Variants in LBP observed in about 807,000 individuals in gnomAD.
LBP encodes the protein lipopolysaccharide binding protein.
Under a neutral mutation model 56.6 loss-of-function variants are expected in LBP, and 53 were observed. The observed-to-expected ratio is 0.94, with a 90% CI of 0.75 to 1.18. LBP has a LOEUF of 1.18. Among genes scored for constraint, LBP ranks in the 50% most tolerant of loss-of-function variants. The pLI, the probability that LBP is intolerant of heterozygous loss-of-function variation, is 0.00. For missense variants in LBP, 601 were observed against 598.3 expected (o/e 1.00, Z -0.05); for synonymous variants, 227 against 247.5 (o/e 0.92, Z 0.78).
intron 12 of LBP, among the ~76,000 whole-genome samples, chr20:38,372,447 A>T (rs2076903874): frequency 6.6e-6 from 1 of 152,214 alleles, no homozygotes; most frequent in African/African-American, 2.4e-5. Context: ...AAAACATTCA[A>T]GTGAGAAGTT....
chr20:38,359,843 C>T (rs987141316), intron 5 of LBP, among the ~76,000 whole-genome samples: 1 of 152,196 alleles, frequency 6.6e-6, no homozygotes, highest in Non-Finnish European at 1.5e-5. Flanking sequence ...GGCCGCACAA[C>T]TGGTGGCAAT....
intron 14 of LBP, among the ~76,000 whole-genome samples, chr20:38,375,437 T>C (rs1386272217): frequency 6.6e-6 from 1 of 151,800 alleles, no homozygotes; most frequent in Non-Finnish European, 1.5e-5. Context: ...AAAAATTAGC[T>C]GGGCATGGTG....
intron 9 of LBP, among the ~76,000 whole-genome samples, chr20:38,368,117 T>C (rs188701226): frequency 1.2e-3 from 190 of 152,292 alleles, no homozygotes; most frequent in African/African-American, 4.3e-3. Flanking sequence ...GAAAATTAAA[T>C]ATTTTTTTTA....
At chr20:38,368,723 C>T (rs1487489845) in intron 9 of LBP, among the ~76,000 whole-genome samples, 1 of 152,170 alleles carries the variant, frequency 6.6e-6, no homozygotes, top group African/African-American at 2.4e-5. Context: ...AATGGCAAAA[C>T]CCTGGAGACA....
chr20:38,371,572 T>A (rs2076900992), intron 12 of LBP, among the ~76,000 whole-genome samples: 2 of 152,156 alleles, frequency 1.3e-5, no homozygotes, highest in Non-Finnish European at 2.9e-5. Context: ...AGAAAGCCAA[T>A]TGAAATCATC....
chr20:38,349,477 C>A, intron 1 of LBP, 71 bp from the exon 2 acceptor site: 2 of 1,159,740 alleles, frequency 1.7e-6, no homozygotes, highest in Non-Finnish European at 2.5e-6. Flanking sequence ...CAGGTGGGAG[C>A]CACCGTAGGG....
intron 12 of LBP, 122 bp from the exon 13 acceptor site, chr20:38,372,950 A>G: frequency 1.2e-6 from 1 of 800,976 alleles, no homozygotes; most frequent in South Asian, 1.6e-5. Context: ...GTTTTATCTT[A>G]TAAAATAGTA....
chr20:38,350,929 AAGT>A lies in LBP; in HGVS notation c.359_361del (p.Lys120_Ser121delinsThr). The A allele has an allele frequency of 6.2e-7, 1 of 1,613,722 alleles. No homozygotes were observed. The highest frequency in any genetic ancestry group is 8.5e-7 in the Non-Finnish European group (1 of 1,179,736). On this transcript the variant is annotated inframe_deletion, in exon 3 of 15. Coordinates refer to ENST00000217407, the MANE Select transcript of LBP (RefSeq NM_004139.5). ...GGTCCAGGGCAGGTGGAAGGTGCGC[AAGT>A]CATTCTTGTAAGTTGGCTCTGCTCC...
chr20:38,353,550 G>A lies in LBP; in HGVS notation c.369-734G>A, dbSNP rs567704145. ...TTCAGTGAGCTGCCCCACACCACGC[G>A]TATATCTTGGCAGGAAGAGCTACGG... On this transcript the variant is annotated intron_variant, in intron 3 of 14. Transcript: ENST00000217407. 1.2e-4 allele frequency among the ~76,000 whole-genome samples: 14 copies of A among 121,644 alleles called. No homozygotes were observed. In the East Asian group the frequency reaches 2.7e-3, roughly 23 times the overall value. 79.8% of individuals were successfully genotyped at this position (121,644 alleles called of 152,430 possible).
chr20:38,360,680 T>G lies in LBP; in HGVS notation c.589-24T>G, dbSNP rs2232594. 7,206 of 1,580,680 alleles carry G rather than the reference T, an allele frequency of 4.6e-3. 271 individuals are homozygous for G. The African/African-American group carries it at 0.081, about 18-fold the overall frequency. On this transcript the variant is annotated intron_variant, in intron 5 of 14. Coordinates refer to ENST00000217407, the MANE Select transcript of LBP (RefSeq NM_004139.5). ...GACCAGAGCTGGGGAACTCACTCAG[T>G]CATTCTCTTCCCATGTTTTTCAGAT...
chr20:38,373,801 C>A, intron 13 of LBP, 136 bp from the exon 14 acceptor site: 1 of 737,904 alleles, frequency 1.4e-6, no homozygotes, highest in Non-Finnish European at 2.3e-6. Context: ...AATAATCACA[C>A]CTACCTCATA....
intron 8 of LBP, among the ~76,000 whole-genome samples, chr20:38,365,448 G>A (rs930335771): frequency 5.9e-5 from 9 of 151,534 alleles, no homozygotes; most frequent in East Asian, 3.9e-4. Flanking sequence ...TGTAATCCTC[G>A]CACTTTGGGA....
intron 6 of LBP, 54 bp from the exon 7 acceptor site, chr20:38,363,921 C>G: frequency 3.1e-6 from 4 of 1,309,564 alleles, no homozygotes; most frequent in Non-Finnish European, 4.4e-6. Context: ...TGCCCCTCCT[C>G]CAGCAGCTGA....
chr20:38,367,205 GCATT>G (rs2076885375), intron 9 of LBP, among the ~76,000 whole-genome samples: 1 of 152,180 alleles, frequency 6.6e-6, no homozygotes. Flanking sequence ...TGTAATCCCA[GCATT>G]GTGGGTGGCC....
At position 38,369,142 on chromosome 20, in the gene LBP, C is replaced by T; in HGVS notation, c.1129C>T (p.Pro377Ser). 2 of 1,614,060 alleles carry T rather than the reference C, an allele frequency of 1.2e-6. No individual in the cohort carries two copies. The highest frequency in any genetic ancestry group is 8.5e-7 in the Non-Finnish European group (1 of 1,180,000). Residue 377 changes from proline to serine, a missense_variant, in exon 10 of 15, where the codon CCT becomes TCT. By Grantham distance (74) the Pro-to-Ser change is moderately conservative (BLOSUM62 -1). Coordinates refer to ENST00000217407, the MANE Select transcript of LBP (RefSeq NM_004139.5). ...FVLLPSSSKE[P>S]VFRLSVATNV... ...GCTCCTGCCCAGCTCCAGCAAGGAG[C>T]CTGTCTTCCGGCTCAGTGTGGTAAG...
chr20:38,359,254 A>C (rs891842469), intron 5 of LBP, among the ~76,000 whole-genome samples: 1 of 151,086 alleles, frequency 6.6e-6, no homozygotes, highest in Non-Finnish European at 1.5e-5. Context: ...TCACCTTTCC[A>C]GAGTATTTAT....
Position 38,350,878 on chromosome 20 carries a change from C to T in LBP, c.307C>T (p.Leu103Phe). Residue 103 changes from leucine (L) to phenylalanine (F), a missense_variant, in exon 3 of 15, where the codon CTC becomes TTC. Transcript: ENST00000217407. The part of the protein sequence containing the change: ...LRPVPGQGLS[L>F]SISDSSIRVQ... ...GCCTGTCCCTGGCCAGGGCCTGAGT[C>T]TCAGCATCTCCGACTCCTCCATCCG... The T allele has an allele frequency of 6.2e-7, 1 of 1,614,094 alleles. No homozygotes were observed. The highest frequency in any genetic ancestry group is 8.5e-7 in the Non-Finnish European group (1 of 1,179,948).
chr20:38,364,634 G>A lies in LBP; in HGVS notation c.803G>A (p.Ser268Asn). 6.2e-7 allele frequency: 1 copy of A among 1,614,116 alleles called. No homozygotes were observed. Residue 268 changes from serine to asparagine, a missense_variant, in exon 8 of 15, where the codon AGC (serine) becomes AAC (asparagine). Ser to Asn is a conservative substitution (Grantham distance 46). Transcript: ENST00000217407. ...SPVTLLAAVM[S>N]LPEEHNKMVY... ...GTTACCCTCCTTGCTGCAGTCATGA[G>A]CCTTCCTGAGGAACACAACAAAATG...
intron 14 of LBP, among the ~76,000 whole-genome samples, chr20:38,375,195 G>GT (rs11480549): frequency 0.044 from 6,580 of 149,246 alleles, 217 homozygotes; most frequent in South Asian, 0.13. Context: ...TGTTTTAAGG[G>GT]TTTTTTTTTT....
Sources: gnomAD v4.1 joint callset for allele counts (sites outside exome capture counted in the v4.1 genomes callset) on GRCh38, gnomAD v4.1.1 for gene constraint, MANE v1.5 for transcripts, NCBI Gene and HGNC (gene_info 2026-07-23, HGNC 2026-07-21) for gene names.